Variants in KDM4C observed in about 807,000 individuals in gnomAD.
KDM4C encodes lysine-specific demethylase 4C.
KDM4C carries 81 observed loss-of-function variants against 129.3 expected under a neutral mutation model. The ratio of observed to expected loss-of-function variants is 0.63; its 90% CI spans 0.52 to 0.75. The LOEUF (loss-of-function observed/expected upper bound fraction) is 0.75, where lower values mean the gene tolerates loss of function less well. Among genes scored for constraint, KDM4C ranks in the 30% least tolerant of loss-of-function variants. KDM4C has a pLI of 0.00. For missense variants in KDM4C, 1,457 were observed against 1,304.0 expected (o/e 1.12, Z -1.81); for synonymous variants, 573 against 456.1 (o/e 1.26, Z -3.26).
chr9:7,116,760 G>A (rs1249999468), intron 18 of KDM4C, among the ~76,000 whole-genome samples: 1 of 152,164 alleles, frequency 6.6e-6, no homozygotes, highest in Non-Finnish European at 1.5e-5. Context: ...CGTACCTTTA[G>A]TTGCTTCTCC....
chr9:7,141,141 GT>G (rs902562528), intron 19 of KDM4C, among the ~76,000 whole-genome samples: 1 of 151,956 alleles, frequency 6.6e-6, no homozygotes, highest in African/African-American at 2.4e-5. Context: ...TATGAAGTAG[GT>G]TTTTTTTGGC....
At chr9:6,822,548 T>A (rs1168981934) in intron 4 of KDM4C, among the ~76,000 whole-genome samples, 1 of 152,204 alleles carries the variant, frequency 6.6e-6, no homozygotes, top group East Asian at 1.9e-4. Context: ...TCCTAGATGA[T>A]TCTTTGGAAA....
At chr9:6,906,214 G>A (rs953354326) in intron 8 of KDM4C, among the ~76,000 whole-genome samples, 1 of 151,924 alleles carries the variant, frequency 6.6e-6, no homozygotes, top group Non-Finnish European at 1.5e-5. Flanking sequence ...TTTTTTCTCC[G>A]TTTGCTTTCT....
At chr9:6,986,174 T>C (rs1684158451) in intron 10 of KDM4C, among the ~76,000 whole-genome samples, 170 bp from the exon 11 acceptor site, 1 of 152,196 alleles carries the variant, frequency 6.6e-6, no homozygotes, top group African/African-American at 2.4e-5. Flanking sequence ...GTATCAGAGC[T>C]AGTATGTGAT....
chr9:6,951,074 T>G (rs568601266), intron 8 of KDM4C, among the ~76,000 whole-genome samples: 27 of 152,290 alleles, frequency 1.8e-4, no homozygotes, highest in Non-Finnish European at 2.8e-4. Context: ...TTGTACATAT[T>G]CATTGGGTAC....
intron 9 of KDM4C, chr9:6,982,020 T>C (rs1816848565): frequency 1.3e-5 from 2 of 152,946 alleles, no homozygotes; most frequent in African/African-American, 4.8e-5. Context: ...CTTTCCAAAA[T>C]TGGGGCCATG....
At chr9:6,923,133 G>A (rs1274991573) in intron 8 of KDM4C, among the ~76,000 whole-genome samples, 2 of 151,960 alleles carry the variant, frequency 1.3e-5, no homozygotes, top group African/African-American at 4.8e-5. Context: ...TTACGGGTTT[G>A]TAAAGCACTG....
intron 11 of KDM4C, among the ~76,000 whole-genome samples, chr9:6,988,004 A>G (rs1818026496): frequency 6.6e-6 from 1 of 151,726 alleles, no homozygotes; most frequent in East Asian, 1.9e-4. Context: ...CAAAAAAAAA[A>G]TAAAAAAAAA....
intron 15 of KDM4C, among the ~76,000 whole-genome samples, chr9:7,042,060 TATCTAGAACCACA>T (rs1441190474): frequency 6.6e-6 from 1 of 152,092 alleles, no homozygotes; most frequent in Non-Finnish European, 1.5e-5. Context: ...ATATTTATGT[TATCTAGAACCACA>T]GTTAATCTTG....
chr9:6,830,913 A>G (rs984755956), intron 4 of KDM4C, among the ~76,000 whole-genome samples: 3 of 152,254 alleles, frequency 2.0e-5, no homozygotes, highest in Non-Finnish European at 4.4e-5. Context: ...GAGAAACTGA[A>G]GGAAAAATCA....
At chr9:7,119,611 G>A (rs1057050557) in intron 18 of KDM4C, among the ~76,000 whole-genome samples, 2 of 150,678 alleles carry the variant, frequency 1.3e-5, no homozygotes, top group Admixed American at 6.6e-5. Context: ...TTTCCTTTCC[G>A]GTCAGGGAAC....
chr9:7,019,476 A>C (rs1163235571), intron 15 of KDM4C, among the ~76,000 whole-genome samples: 1 of 151,836 alleles, frequency 6.6e-6, no homozygotes, highest in Non-Finnish European at 1.5e-5. Context: ...CTGCCTTGTG[A>C]AGGTAAGGTT....
intron 1 of KDM4C, among the ~76,000 whole-genome samples, chr9:6,760,334 TG>T (rs1186930489): frequency 6.6e-6 from 1 of 152,082 alleles, no homozygotes; most frequent in African/African-American, 2.4e-5. Flanking sequence ...CATCACATTT[TG>T]TTTATTCATC....
intron 5 of KDM4C, among the ~76,000 whole-genome samples, chr9:6,854,901 G>A (rs1336508259): frequency 6.6e-6 from 1 of 152,120 alleles, no homozygotes; most frequent in African/African-American, 2.4e-5. Context: ...CTGAGCATGT[G>A]ACCTTGGGCA....
At chr9:7,071,944 A>G (rs932714521) in intron 17 of KDM4C, among the ~76,000 whole-genome samples, 5 of 152,216 alleles carry the variant, frequency 3.3e-5, no homozygotes, top group African/African-American at 1.2e-4. Flanking sequence ...TCCAGGATAT[A>G]TAAAGAACTC....
At chr9:7,053,187 A>T (rs1195682188) in intron 17 of KDM4C, among the ~76,000 whole-genome samples, 1 of 152,346 alleles carries the variant, frequency 6.6e-6, no homozygotes, top group African/African-American at 2.4e-5. Context: ...GCTCATTATT[A>T]GCAGTCTTTC....
intron 19 of KDM4C, among the ~76,000 whole-genome samples, chr9:7,162,956 AAGCAGATATTGAGG>A (rs1274248293): frequency 6.6e-6 from 1 of 152,108 alleles, no homozygotes; most frequent in Non-Finnish European, 1.5e-5. Context: ...ATGAGTGATA[AAGCAGATATTGAGG>A]AGTGTGGCTT....
In KDM4C at chr9:6,834,043, C is replaced by CTTTTTTTTTTTTTTTTTTT. The variant is rs71487860; in HGVS notation, c.436-15449_436-15448insTTTTTTTTTTTTTTTTTTT. 2.7e-5 allele frequency among the ~76,000 whole-genome samples: 3 copies of CTTTTTTTTTTTTTTTTTTT among 109,460 alleles called. 1 individual carries two copies. The highest frequency in any genetic ancestry group is 3.7e-5 in the African/African-American group (1 of 26,892). 71.8% of individuals were successfully genotyped at this position (109,460 alleles called of 152,430 possible). A position where few individuals can be genotyped will look rare whatever the true frequency, so the allele number is the denominator to read the frequency against. ...CATGGGATATGACTCAAGAGATAGTCTTTTTTTTTTTTTTTAAGATAGTCT... is the reference window on the plus strand; with the variant it reads ...CATGGGATATGACTCAAGAGATAGTCTTTTTTTTTTTTTTTTTTTTTTTTTTTTTTTTTTAAGATAGTCT... On this transcript the variant is annotated intron_variant, in intron 4 of 21. Transcript: ENST00000381309.
intron 5 of KDM4C, among the ~76,000 whole-genome samples, chr9:6,867,944 C>G (rs1406413189): frequency 1.3e-5 from 2 of 152,100 alleles, no homozygotes; most frequent in Non-Finnish European, 2.9e-5. Context: ...TATGTATCAA[C>G]CAGAAAGAAT....
Sources: allele counts gnomAD v4.1 joint callset (sites outside exome capture counted in the v4.1 genomes callset), GRCh38; gene constraint gnomAD v4.1.1; transcripts MANE v1.5; gene names NCBI Gene and HGNC (gene_info 2026-07-23, HGNC 2026-07-21).